The following UBASH3B variants were observed in gnomAD, a reference collection of about 807,000 sequenced individuals.
The protein encoded by UBASH3B is ubiquitin associated and SH3 domain containing B.
In UBASH3B, 37 loss-of-function variants were observed where a neutral mutation model predicts 83.4. The observed-to-expected ratio is 0.44, with a 90% confidence interval of 0.34 to 0.58. UBASH3B has a LOEUF of 0.58. Among genes scored for constraint, UBASH3B ranks in the 20% least tolerant of loss-of-function variants. The pLI is 0.01. For missense variants in UBASH3B, 657 were observed against 827.2 expected (o/e 0.79, Z 2.52); for synonymous variants, 304 against 318.3 (o/e 0.96, Z 0.48).
rs574879993 is a variant in UBASH3B, at chr11:122,729,316, C to T, written c.162-46903C>T. ...GTGGCCCAGTTCAGCTGAGATGCCA[C>T]GCGGTTCTTGTTGAGGGGAAGGGGT... On this transcript the variant is annotated intron_variant, in intron 1 of 13. Transcript: ENST00000284273. 8.7e-4 allele frequency among the ~76,000 whole-genome samples: 133 copies of T among 152,206 alleles called. 1 individual carries two copies. The highest frequency in any genetic ancestry group is 3.1e-3 in the African/African-American group (128 of 41,514).
chr11:122,712,431 C>T (rs1019956088), intron 1 of UBASH3B, among the ~76,000 whole-genome samples: 3 of 152,006 alleles, frequency 2.0e-5, no homozygotes, highest in Non-Finnish European at 2.9e-5. Context: ...TGGTGGGGGA[C>T]GCACGTCACA....
At chr11:122,795,079 A>C (rs929539324) in intron 7 of UBASH3B, among the ~76,000 whole-genome samples, 1 of 152,218 alleles carries the variant, frequency 6.6e-6, no homozygotes, top group African/African-American at 2.4e-5. Flanking sequence ...CAGAGATAGG[A>C]GGAGAGTTTA....
intron 1 of UBASH3B, among the ~76,000 whole-genome samples, chr11:122,677,233 G>T (rs1040940633): frequency 1.3e-5 from 2 of 152,180 alleles, no homozygotes; most frequent in Non-Finnish European, 2.9e-5. Context: ...GGTGTGCATG[G>T]GTTATATGCA....
At chr11:122,742,717 G>A (rs1192852186) in intron 1 of UBASH3B, among the ~76,000 whole-genome samples, 1 of 152,184 alleles carries the variant, frequency 6.6e-6, no homozygotes, top group Non-Finnish European at 1.5e-5. Flanking sequence ...CCTTTGCAAG[G>A]GCACTACTGT....
At chr11:122,697,425 A>T (rs999817828) in intron 1 of UBASH3B, among the ~76,000 whole-genome samples, 2 of 152,292 alleles carry the variant, frequency 1.3e-5, no homozygotes, top group Non-Finnish European at 1.5e-5. Context: ...CAAGAGCAAA[A>T]CTACGTCTCA....
intron 1 of UBASH3B, among the ~76,000 whole-genome samples, chr11:122,690,641 G>T (rs879372097): frequency 6.6e-6 from 1 of 152,048 alleles, no homozygotes; most frequent in African/African-American, 2.4e-5. Context: ...GCTGTCATGA[G>T]CCCAGCAGCT....
chr11:122,671,814 G>A (rs190481024), intron 1 of UBASH3B, among the ~76,000 whole-genome samples: 1 of 152,252 alleles, frequency 6.6e-6, no homozygotes, highest in South Asian at 2.1e-4. Context: ...TGACTCCCAG[G>A]GGGTGTTGAG....
At chr11:122,781,401 C>A (rs950271703) in intron 4 of UBASH3B, among the ~76,000 whole-genome samples, 1 of 152,180 alleles carries the variant, frequency 6.6e-6, no homozygotes, top group Non-Finnish European at 1.5e-5. Context: ...ATGTCAAAGC[C>A]GCAAAACCCA....
At chr11:122,808,695 T>A (rs1424215254) in intron 13 of UBASH3B, among the ~76,000 whole-genome samples, 1 of 152,220 alleles carries the variant, frequency 6.6e-6, no homozygotes, top group Admixed American at 6.5e-5. Flanking sequence ...AGAGGTTTTC[T>A]GGTCAGCTGC....
At chr11:122,660,170 C>A (rs896124066) in intron 1 of UBASH3B, among the ~76,000 whole-genome samples, 3 of 152,140 alleles carry the variant, frequency 2.0e-5, no homozygotes, top group African/African-American at 7.2e-5. Flanking sequence ...TGGAGCTGGG[C>A]TAGGTTTTTT....
chr11:122,750,448 A>C (rs931487492), intron 1 of UBASH3B, among the ~76,000 whole-genome samples: 2 of 152,224 alleles, frequency 1.3e-5, no homozygotes, highest in African/African-American at 4.8e-5. Context: ...CAACAACTTC[A>C]CCTTAGCTTA....
chr11:122,805,020 C>A (rs1016177213), intron 11 of UBASH3B, among the ~76,000 whole-genome samples: 3 of 152,152 alleles, frequency 2.0e-5, no homozygotes, highest in Admixed American at 6.5e-5. Flanking sequence ...CTTTGATCAT[C>A]CTCTTCCATG....
intron 1 of UBASH3B, among the ~76,000 whole-genome samples, chr11:122,690,942 G>A (rs907826942): frequency 9.9e-5 from 15 of 152,146 alleles, no homozygotes; most frequent in African/African-American, 3.4e-4. Context: ...TCACTTCTGC[G>A]AAAGGCTGAA....
At chr11:122,802,148 C>T (rs1271287673) in intron 11 of UBASH3B, among the ~76,000 whole-genome samples, 2 of 151,936 alleles carry the variant, frequency 1.3e-5, no homozygotes, top group Non-Finnish European at 2.9e-5. Flanking sequence ...AACCCCGTCT[C>T]TACTAAAAAT....
chr11:122,808,435 C>T (rs910674469), intron 13 of UBASH3B, among the ~76,000 whole-genome samples: 1 of 152,206 alleles, frequency 6.6e-6, no homozygotes, highest in Non-Finnish European at 1.5e-5. Flanking sequence ...GAATTATAAG[C>T]AAATTGTCTG....
intron 1 of UBASH3B, among the ~76,000 whole-genome samples, chr11:122,722,113 C>A (rs1277680642): frequency 1.3e-5 from 2 of 152,210 alleles, no homozygotes; most frequent in African/African-American, 4.8e-5. Flanking sequence ...TTGAAGCTCA[C>A]AAAGCTTCCT....
intron 1 of UBASH3B, among the ~76,000 whole-genome samples, chr11:122,730,006 G>A (rs71488376): frequency 2.4e-5 from 2 of 82,614 alleles, no homozygotes; most frequent in African/African-American, 4.8e-5. Flanking sequence ...AAAAAAAAAG[G>A]CCAGGTGCAG....
intron 1 of UBASH3B, among the ~76,000 whole-genome samples, chr11:122,689,869 T>C: frequency 6.6e-6 from 1 of 151,960 alleles, no homozygotes; most frequent in East Asian, 1.9e-4. Context: ...TTGCAAAGGA[T>C]ATAGTTGAGG....
intron 1 of UBASH3B, among the ~76,000 whole-genome samples, chr11:122,717,769 A>G (rs77706582): frequency 0.053 from 8,064 of 152,164 alleles, 724 homozygotes; most frequent in African/African-American, 0.18. Flanking sequence ...GAGAAGTCAC[A>G]GGGGGCCCGG....
Sources: allele counts gnomAD v4.1 joint callset (sites outside exome capture counted in the v4.1 genomes callset), GRCh38; gene constraint gnomAD v4.1.1; transcripts MANE v1.5; gene names NCBI Gene and HGNC (gene_info 2026-07-23, HGNC 2026-07-21).